CELF2: variants seen among roughly 807,000 people sequenced by gnomAD.
CELF2 encodes CUGBP Elav-like family member 2, also known as CUG triplet repeat RNA-binding protein 2.
A neutral mutation model predicts 62.6 loss-of-function variants in CELF2; 8 were observed. The ratio of observed to expected loss-of-function variants is 0.13; its 90% CI spans 0.07 to 0.23. The LOEUF (loss-of-function observed/expected upper bound fraction) is 0.23. Among genes scored for constraint, CELF2 ranks in the 10% least tolerant of loss-of-function variants. The probability of loss-of-function intolerance (pLI) is 1.00; values close to 1 mark genes in which losing one functional copy is unlikely to be tolerated. For missense variants in CELF2, 333 were observed against 671.0 expected (o/e 0.50, Z 5.56); for synonymous variants, 258 against 250.0 (o/e 1.03, Z -0.30).
At chr10:10,601,396 G>GAGGGTT in the CELF2 span, among the ~76,000 whole-genome samples, 1 of 152,202 alleles carries the variant, frequency 6.6e-6, no homozygotes, top group African/African-American at 2.4e-5. Flanking sequence ...GATCTCTAGT[G>GAGGGTT]AGGGTTTCAG....
chr10:11,197,057 G>GAAAGAAAGAAAGA (rs1565233351), intron 2 of CELF2, among the ~76,000 whole-genome samples: 1 of 37,448 alleles, frequency 2.7e-5, no homozygotes, highest in African/African-American at 1.1e-4. Context: ...AAGAAAGAAA[G>GAAAGAAAGAAAGA]AAAAGAAAGA....
At chr10:10,686,793 T>A in the CELF2 span, among the ~76,000 whole-genome samples, 1 of 152,276 alleles carries the variant, frequency 6.6e-6, no homozygotes, top group South Asian at 2.1e-4. Flanking sequence ...CTCAGATGTG[T>A]CTTCATAGCA....
chr10:11,190,262 G>C (rs2075986413), intron 2 of CELF2, among the ~76,000 whole-genome samples: 1 of 152,136 alleles, frequency 6.6e-6, no homozygotes, highest in Non-Finnish European at 1.5e-5. Context: ...TGCCCATTCA[G>C]TACACATTTA....
the CELF2 span, among the ~76,000 whole-genome samples, chr10:10,767,255 A>G: frequency 2.0e-5 from 3 of 151,978 alleles, no homozygotes; most frequent in Non-Finnish European, 4.4e-5. Flanking sequence ...TGATGCCATA[A>G]TTGTGAGCTC....
At chr10:10,914,900 G>A (rs573969504) in intron 1 of CELF2, among the ~76,000 whole-genome samples, 7 of 152,136 alleles carry the variant, frequency 4.6e-5, no homozygotes, top group Admixed American at 2.6e-4. Flanking sequence ...AGGCCGAGGC[G>A]GGTGGATCAC....
intron 1 of CELF2, among the ~76,000 whole-genome samples, chr10:11,128,877 C>T (rs899063940): frequency 2.6e-5 from 4 of 152,172 alleles, no homozygotes; most frequent in South Asian, 2.1e-4. Flanking sequence ...ATTGCTTTCT[C>T]TTGACTGATT....
In CELF2 at chr10:11,145,294, A is replaced by C. The variant is rs1317455811; in HGVS notation, c.75-20192A>C. On this transcript the variant is annotated intron_variant, in intron 1 of 12. Coordinates refer to ENST00000633077, the MANE Select transcript of CELF2 (RefSeq NM_001326342.2). The surrounding 1 kb of genome is among the most constrained non-coding windows in gnomAD (Gnocchi z 4.3). ...TCTCAGGCATCTGTGTGGCACAGAT[A>C]CTTTTATGTGTTGTTGAAAGAGCTG... 6.6e-6 allele frequency among the ~76,000 whole-genome samples: 1 copy of C among 152,248 alleles called. No individual in the cohort carries two copies. The highest frequency in any genetic ancestry group is 1.5e-5 in the Non-Finnish European group (1 of 68,048).
At chr10:10,782,788 G>C in the CELF2 span, among the ~76,000 whole-genome samples, 1 of 152,156 alleles carries the variant, frequency 6.6e-6, no homozygotes, top group African/African-American at 2.4e-5. Context: ...TGTCAGCTAG[G>C]TTAGTCTGCG....
In CELF2 at chr10:11,018,235, G is replaced by A. The variant is rs972901006; in HGVS notation, c.74+72G>A. 11 of 1,330,628 alleles carry A rather than the reference G, an allele frequency of 8.3e-6. No individual in the cohort carries two copies. In the African/African-American group the frequency reaches 9.3e-5, roughly 11 times the overall value. 82.4% of individuals were successfully genotyped at this position (1,330,628 alleles called of 1,614,324 possible). ...CCAGAGTCGGCGGCGCGAAGGGGAC[G>A]GGCGTCGCCCGCAGCTCCCGGGCGC... is the stretch of plus-strand genomic sequence containing the variant. On this transcript the variant is annotated intron_variant, in intron 1 of 12. Transcript: ENST00000633077.
At chr10:10,604,905 A>G in the CELF2 span, among the ~76,000 whole-genome samples, 1,208 of 152,284 alleles carry the variant, frequency 7.9e-3, 12 homozygotes, top group Middle Eastern at 0.041. Flanking sequence ...CTCTGACCCA[A>G]CAATCCCATT....
chr10:11,179,281 T>TAA (rs10718541), intron 2 of CELF2, among the ~76,000 whole-genome samples: 46 of 149,448 alleles, frequency 3.1e-4, no homozygotes, highest in African/African-American at 1.1e-3. Flanking sequence ...ACTGTACTGT[T>TAA]AAAAAAAAAA....
chr10:10,741,478 G>C, the CELF2 span, among the ~76,000 whole-genome samples: 4 of 119,446 alleles, frequency 3.3e-5, no homozygotes, highest in East Asian at 1.1e-3. Context: ...TGGCGACAGA[G>C]AGAGACTCCG....
intron 1 of CELF2, among the ~76,000 whole-genome samples, chr10:10,823,784 G>T (rs921683356): frequency 1.5e-4 from 23 of 152,102 alleles, no homozygotes; most frequent in Admixed American, 7.9e-4. Flanking sequence ...TTTAATTCTT[G>T]CAACGACCCT....
the CELF2 span, among the ~76,000 whole-genome samples, chr10:10,641,567 AGTAGCT>A: frequency 6.6e-6 from 1 of 152,020 alleles, no homozygotes; most frequent in Admixed American, 6.6e-5. Context: ...CAGCCTCCCA[AGTAGCT>A]GGGATTACAG....
In CELF2 at chr10:11,011,708, A is replaced by G. The variant is rs1029477357; in HGVS notation, c.53+6268A>G. Among the ~76,000 whole-genome samples the G allele has an allele frequency of 1.3e-5, 2 of 151,514 alleles. No homozygotes were observed. The highest frequency in any genetic ancestry group is 4.9e-5 in the African/African-American group (2 of 40,886). Reference sequence around the variant, plus strand: ...TCCACTCTGTATAGCTTGACTAGGTAGCTATACCACTTTTTCCTAAAGGCT... The same window carrying G: ...TCCACTCTGTATAGCTTGACTAGGTGGCTATACCACTTTTTCCTAAAGGCT... On this transcript the variant is annotated intron_variant, in intron 1 of 12. Transcript: ENST00000416382. This position sits in a 1 kb window ranked among gnomAD's most constrained non-coding sequence, Gnocchi z 4.6.
At chr10:10,831,983 T>C (rs889571063) in intron 1 of CELF2, among the ~76,000 whole-genome samples, 9 of 130,006 alleles carry the variant, frequency 6.9e-5, no homozygotes, top group African/African-American at 2.4e-4. Context: ...AAAAAATAAA[T>C]AAGGCCGGGC....
At chr10:10,882,907 C>A (rs2061523745) in intron 1 of CELF2, among the ~76,000 whole-genome samples, 1 of 152,106 alleles carries the variant, frequency 6.6e-6, no homozygotes, top group African/African-American at 2.4e-5. Flanking sequence ...ATAATATGAT[C>A]TTGTCATGAC....
Position 11,038,850 on chromosome 10 carries a change from A to G in CELF2, c.74+20687A>G, listed in dbSNP as rs562226739. Among the ~76,000 whole-genome samples, 19 of 152,308 alleles carry G rather than the reference A, an allele frequency of 1.2e-4. 1 individual carries two copies. Among genetic ancestry groups the G allele is most frequent in the Middle Eastern group, 3.4e-3 (1 of 294 alleles). On this transcript the variant is annotated intron_variant, in intron 1 of 12. Transcript: ENST00000633077. Reference sequence around the variant, plus strand: ...GTGATAATTATTTTAAGTTATACTGATTGGATTCATGTTTATTAAAACCCT... The same window carrying G: ...GTGATAATTATTTTAAGTTATACTGGTTGGATTCATGTTTATTAAAACCCT...
chr10:10,862,388 G>C (rs567411108), intron 1 of CELF2, among the ~76,000 whole-genome samples: 10 of 152,288 alleles, frequency 6.6e-5, no homozygotes, highest in African/African-American at 2.4e-4. Context: ...TCACTCGCCT[G>C]GTTGGTGGTT....
Sources: gnomAD v4.1 joint callset for allele counts (sites outside exome capture counted in the v4.1 genomes callset) on GRCh38, gnomAD v4.1.1 for gene constraint, Gnocchi (gnomAD v3.1) non-coding constraint, MANE v1.5 for transcripts, NCBI Gene and HGNC (gene_info 2026-07-23, HGNC 2026-07-21) for gene names.